The following GPR89B variants were observed in gnomAD, a reference collection of about 807,000 sequenced individuals.
GPR89B encodes golgi pH regulator B, also known as G protein-coupled receptor 89B.
A neutral mutation model predicts 52.4 loss-of-function variants in GPR89B; 25 were observed. The observed-to-expected ratio is 0.48, with a 90% confidence interval of 0.35 to 0.67. The LOEUF is 0.67. Among genes scored for constraint, GPR89B ranks in the 30% least tolerant of loss-of-function variants. The pLI, the probability that GPR89B is intolerant of heterozygous loss-of-function variation, is 0.01. For synonymous variants in GPR89B, 52 were observed against 151.2 expected, an observed-to-expected ratio of 0.34 and a Z score of 4.81; for missense variants, 146 against 450.2, an observed-to-expected ratio of 0.32 and a Z score of 6.11.
Position 147,944,070 on chromosome 1 carries a change from T to C in GPR89B, c.387T>C (p.Asp129=). Residue 129 remains aspartate (D), a synonymous_variant, in exon 5 of 14, where the codon GAT becomes GAC. Transcript: ENST00000314163. ...TGTATTTCTTCTGGAAACTAGGAGA[T>C]CCCTTTCCCATTCTCAGCCCAAAAC... ...TFMYFFWKLG[D]PFPILSPKHG... 1 of 1,579,016 alleles carries C rather than the reference T, an allele frequency of 6.3e-7. No homozygotes were observed. Among genetic ancestry groups the C allele is most frequent in the Non-Finnish European group, 8.5e-7 (1 of 1,170,636 alleles).
the GPR89B span, among the ~76,000 whole-genome samples, chr1:148,006,293 A>G: frequency 6.6e-6 from 1 of 151,362 alleles, no homozygotes; most frequent in African/African-American, 2.4e-5. Context: ...CATCTTTACC[A>G]TTCTCTCCTC....
intron 5 of GPR89B, among the ~76,000 whole-genome samples, chr1:147,950,988 C>T (rs1195855327): frequency 4.6e-5 from 7 of 151,506 alleles, no homozygotes; most frequent in Non-Finnish European, 8.8e-5. Flanking sequence ...AGAGGGAGAG[C>T]GATAAAATAA....
the GPR89B span, among the ~76,000 whole-genome samples, chr1:148,007,139 A>T: frequency 3.8e-5 from 5 of 131,912 alleles, no homozygotes; most frequent in Admixed American, 8.0e-5. Context: ...GCAGTGGCGC[A>T]ATCTGAGCTC....
chr1:148,009,694 A>G, the GPR89B span: 1 of 675,482 alleles, frequency 1.5e-6, no homozygotes, highest in Non-Finnish European at 2.5e-6. Flanking sequence ...AGATGCTGCT[A>G]GTTGACCCTT....
At chr1:148,014,444 G>C in the GPR89B span, 2 of 151,130 alleles carry the variant, frequency 1.3e-5, no homozygotes, top group Non-Finnish European at 2.9e-5. Context: ...CCAGCCGCCG[G>C]ATAGCGCAAA....
the GPR89B span, among the ~76,000 whole-genome samples, chr1:148,002,905 C>T: frequency 9.7e-4 from 147 of 152,292 alleles, no homozygotes; most frequent in African/African-American, 3.4e-3. Context: ...AAAGCCTGAA[C>T]TCAAGTGCCA....
At chr1:147,989,645 T>C (rs1348535316) in intron 12 of GPR89B, among the ~76,000 whole-genome samples, 7 of 152,056 alleles carry the variant, frequency 4.6e-5, no homozygotes, top group African/African-American at 1.7e-4. Context: ...AGTGTTCTCA[T>C]TGTTCAATTC....
chr1:148,023,014 A>G, the GPR89B span, among the ~76,000 whole-genome samples: 1 of 152,046 alleles, frequency 6.6e-6, no homozygotes, highest in East Asian at 1.9e-4. Flanking sequence ...CAAGTGTAGC[A>G]TTGTTACATG....
At chr1:148,021,189 C>T in the GPR89B span, among the ~76,000 whole-genome samples, 3 of 151,566 alleles carry the variant, frequency 2.0e-5, no homozygotes. Flanking sequence ...CCACATCTCG[C>T]GATGGAGTGC....
At chr1:148,014,184 C>G in the GPR89B span, among the ~76,000 whole-genome samples, 1 of 151,346 alleles carries the variant, frequency 6.6e-6, no homozygotes, top group Non-Finnish European at 1.5e-5. Flanking sequence ...ATCCAAGAGC[C>G]GCCGTTGCAG....
At chr1:148,004,122 C>G in the GPR89B span, 5 of 464,322 alleles carry the variant, frequency 1.1e-5, no homozygotes, top group African/African-American at 1.0e-4. Flanking sequence ...TAAGCTGTTA[C>G]ACTATGCCCT....
chr1:147,943,607 T>G, intron 4 of GPR89B, 63 bp downstream of exon 4: 1 of 1,562,358 alleles, frequency 6.4e-7, no homozygotes, highest in Non-Finnish European at 8.7e-7. Context: ...GGACTTAAAT[T>G]GTGGATAGCT....
the GPR89B span, chr1:148,010,957 T>C: frequency 2.0e-5 from 3 of 152,554 alleles, no homozygotes; most frequent in African/African-American, 7.2e-5. Flanking sequence ...TTGCTCGGTG[T>C]GTCTACTCAA....
At chr1:147,974,540 G>C (rs2149082181) in intron 10 of GPR89B, among the ~76,000 whole-genome samples, 1 of 151,876 alleles carries the variant, frequency 6.6e-6, no homozygotes, top group African/African-American at 2.4e-5. Context: ...AGACTTTGCT[G>C]AAGTTGCTTA....
chr1:147,980,979 C>T (rs1370703759), intron 10 of GPR89B, among the ~76,000 whole-genome samples: 1 of 151,088 alleles, frequency 6.6e-6, no homozygotes, highest in Admixed American at 6.6e-5. Flanking sequence ...AATGGAATCA[C>T]ATAATTTATA....
chr1:147,996,780 T>C, downstream of GPR89B: 1 of 1,276,918 alleles, frequency 7.8e-7, no homozygotes, highest in Non-Finnish European at 1.1e-6. Context: ...AACATTAACT[T>C]AGTTGTAACC....
At chr1:147,930,281 A>G (rs1440421864) in intron 1 of GPR89B, among the ~76,000 whole-genome samples, 3 of 152,224 alleles carry the variant, frequency 2.0e-5, no homozygotes, top group Non-Finnish European at 4.4e-5. Flanking sequence ...CTACTTTATC[A>G]TCCTTTCGGT....
intron 10 of GPR89B, among the ~76,000 whole-genome samples, chr1:147,972,753 C>T (rs1456613423): frequency 4.7e-5 from 7 of 149,736 alleles, no homozygotes; most frequent in African/African-American, 1.8e-4. Flanking sequence ...CATCTGTCAA[C>T]CCATCACCTA....
chr1:147,930,312 A>T (rs1553246832), intron 1 of GPR89B, among the ~76,000 whole-genome samples: 1 of 152,220 alleles, frequency 6.6e-6, no homozygotes, highest in Non-Finnish European at 1.5e-5. Flanking sequence ...ATGTCGCTTT[A>T]GGAAGGTTTT....
Sources: allele counts gnomAD v4.1 joint callset (sites outside exome capture counted in the v4.1 genomes callset), GRCh38; gene constraint gnomAD v4.1.1; transcripts MANE v1.5; gene names NCBI Gene and HGNC (gene_info 2026-07-23, HGNC 2026-07-21).